GRAMD4: variants seen among roughly 807,000 people sequenced by gnomAD.
GRAMD4 encodes GRAM domain containing 4.
In GRAMD4, 25 loss-of-function variants were observed where a neutral mutation model predicts 83.9. That is an observed-to-expected ratio of 0.30 (90% confidence interval 0.22 to 0.42). GRAMD4 has a LOEUF of 0.42. GRAMD4 is among the 10% of genes least tolerant of loss of function. The pLI is 1.00. For synonymous variants in GRAMD4, 336 were observed against 320.9 expected (o/e 1.05, Z -0.50); for missense variants, 593 against 788.7 (o/e 0.75, Z 2.97).
At chr22:46,661,573 G>C (rs184200308) in intron 5 of GRAMD4, 131 bp downstream of exon 5, 2 of 688,230 alleles carry the variant, frequency 2.9e-6, no homozygotes, top group African/African-American at 3.5e-5. Flanking sequence ...GGCGGCAGGT[G>C]CTGGTTCTGT....
rs2082555209 is a variant in GRAMD4, at chr22:46,674,006, G to T, written c.1384+192G>T. Among the ~76,000 whole-genome samples, 3 of 152,370 alleles carry T rather than the reference G, an allele frequency of 2.0e-5. No homozygotes were observed. The South Asian group carries it at 6.2e-4, about 32-fold the overall frequency. On this transcript the variant is annotated intron_variant, in intron 15 of 18. Coordinates refer to ENST00000406902, the MANE Select transcript of GRAMD4 (RefSeq NM_015124.5). The stretch of plus-strand genomic sequence containing the variant: ...CATGAGGACTCTGCGGGCTACAGGG[G>T]AGGAGGGCGTGCCCGTGGGGAGAGC...
At chr22:46,607,659 C>T (rs1163802899) in intron 1 of GRAMD4, among the ~76,000 whole-genome samples, 1 of 152,240 alleles carries the variant, frequency 6.6e-6, no homozygotes, top group Admixed American at 6.5e-5. Flanking sequence ...GCCCTCTCTC[C>T]TCTGCCTGGC....
chr22:46,670,306 C>G (rs2082482736), intron 13 of GRAMD4, among the ~76,000 whole-genome samples: 1 of 152,280 alleles, frequency 6.6e-6, no homozygotes, highest in Admixed American at 6.5e-5. Context: ...CACGGCTGAG[C>G]TGTCCAACAG....
chr22:46,655,620 G>T (rs568163060), intron 3 of GRAMD4, among the ~76,000 whole-genome samples: 26 of 152,172 alleles, frequency 1.7e-4, no homozygotes, highest in Non-Finnish European at 3.2e-4. Flanking sequence ...GGGCTGGGGG[G>T]TAGCTCCCTC....
At chr22:46,661,065 C>T (rs866726046) in intron 4 of GRAMD4, among the ~76,000 whole-genome samples, 4 of 152,118 alleles carry the variant, frequency 2.6e-5, no homozygotes, top group Admixed American at 6.5e-5. Flanking sequence ...CATTAGCAGA[C>T]GGGTTGGTGA....
intron 3 of GRAMD4, among the ~76,000 whole-genome samples, chr22:46,652,279 A>G (rs1022205700): frequency 2.0e-5 from 3 of 152,128 alleles, no homozygotes; most frequent in African/African-American, 7.2e-5. Flanking sequence ...TAGAGGTCAC[A>G]GTGACGTCAT....
At chr22:46,649,947 A>T (rs143647089) in intron 3 of GRAMD4, among the ~76,000 whole-genome samples, 34 of 152,200 alleles carry the variant, frequency 2.2e-4, no homozygotes, top group African/African-American at 8.0e-4. Context: ...CGATGGAGGG[A>T]GTGCCTGTCT....
At chr22:46,657,477 G>T (rs980682448) in intron 3 of GRAMD4, among the ~76,000 whole-genome samples, 10 of 152,228 alleles carry the variant, frequency 6.6e-5, no homozygotes, top group Non-Finnish European at 1.3e-4. Flanking sequence ...GACTGCCAGA[G>T]GCTGCCTGCA....
chr22:46,613,825 C>G (rs1248017089), intron 1 of GRAMD4, among the ~76,000 whole-genome samples: 1 of 146,522 alleles, frequency 6.8e-6, no homozygotes, highest in African/African-American at 2.5e-5. Flanking sequence ...CCCAGGCTGT[C>G]TTTGACCCCT....
intron 1 of GRAMD4, among the ~76,000 whole-genome samples, chr22:46,624,495 A>C (rs2081625710): frequency 6.6e-6 from 1 of 151,236 alleles, no homozygotes; most frequent in South Asian, 2.1e-4. Flanking sequence ...CACCCAGCTA[A>C]TTTTTGTATT....
intron 5 of GRAMD4, among the ~76,000 whole-genome samples, 175 bp downstream of exon 5, chr22:46,661,617 C>T (rs2082329289): frequency 6.6e-6 from 1 of 152,264 alleles, no homozygotes; most frequent in African/African-American, 2.4e-5. Context: ...GGAATCTCCT[C>T]CCGTCAGAAC....
chr22:46,591,706 G>A lies in GRAMD4; in HGVS notation c.-50+14416G>A, dbSNP rs180963368. ...AAATTAGCCGGGTGTGGTGGTGGGT[G>A]CCTGTAATCCCAGCTACTCTGGAGG... On this transcript the variant is annotated intron_variant, in intron 1 of 1. Coordinates refer to the GRAMD4 transcript ENST00000431155. Among the ~76,000 whole-genome samples the A allele has an allele frequency of 8.5e-3, 1,284 of 151,924 alleles. 18 individuals carry two copies. The highest frequency in any genetic ancestry group is 0.03 in the African/African-American group (1,227 of 41,408).
intron 3 of GRAMD4, among the ~76,000 whole-genome samples, chr22:46,649,134 C>G (rs1437471327): frequency 6.6e-6 from 1 of 152,230 alleles, no homozygotes; most frequent in East Asian, 1.9e-4. Flanking sequence ...GCAGTTTTAT[C>G]TGTGCCACCT....
upstream of GRAMD4, among the ~76,000 whole-genome samples, chr22:46,616,402 T>A (rs2081494886): frequency 9.5e-6 from 1 of 105,110 alleles, no homozygotes; most frequent in Non-Finnish European, 1.9e-5. Context: ...GCGTGTAGGT[T>A]CCCCTGTGCG....
Position 46,664,994 on chromosome 22 carries a change from C to G in GRAMD4, c.718-621C>G, listed in dbSNP as rs1207143203. ...AGATGAAGGCTGGGTGCTGGGACCA[C>G]CGGCTTCACCCTGGCCCTGGAAGGC... On this transcript the variant is annotated intron_variant, in intron 8 of 18. Transcript: ENST00000406902. 4.6e-5 allele frequency among the ~76,000 whole-genome samples: 7 copies of G among 152,346 alleles called. 1 individual carries two copies. In the East Asian group the frequency reaches 1.4e-3, roughly 29 times the overall value.
At position 46,678,523 on chromosome 22, in the gene GRAMD4, C is replaced by CT. The variant is rs1227847938; in HGVS notation, c.*1274dup. ...CTGGGCTGAAGGGAGGGAAAGGCGGCTTGGGCCTCCTGGAAGGAGGTGGCC... is the reference window on the plus strand; with the variant it reads ...CTGGGCTGAAGGGAGGGAAAGGCGGCTTTGGGCCTCCTGGAAGGAGGTGGCC... On this transcript the variant is annotated 3_prime_UTR_variant, in exon 19 of 19. Transcript: ENST00000406902. 3.0e-6 allele frequency: 3 copies of CT among 985,326 alleles called. No homozygotes were observed. Among genetic ancestry groups the CT allele is most frequent in the Admixed American group, 6.1e-5 (1 of 16,270 alleles). The allele number at this position is 985,326 out of a possible 1,614,324, so 61.0% of individuals were successfully genotyped here. A position where few individuals can be genotyped will look rare whatever the true frequency, so the allele number is the denominator to read the frequency against.
rs530544727 is a variant in GRAMD4, at chr22:46,673,084, C to T, written c.1239+87C>T. 205 of 1,099,586 alleles carry T rather than the reference C, an allele frequency of 1.9e-4. 2 individuals are homozygous for T. Among genetic ancestry groups the T allele is most frequent in the Middle Eastern group, 2.8e-4 (1 of 3,578 alleles). 68.1% of individuals were successfully genotyped at this position (1,099,586 alleles called of 1,614,324 possible). ...AGGCCCACAGTGCTCTGTTCACCTC[C>T]GGCTCATTTAGAGGCTGTTTCTTCA... On this transcript the variant is annotated intron_variant, in intron 14 of 18. Coordinates refer to ENST00000406902, the MANE Select transcript of GRAMD4 (RefSeq NM_015124.5).
At chr22:46,607,752 C>T (rs1326295593) in intron 1 of GRAMD4, among the ~76,000 whole-genome samples, 3 of 152,196 alleles carry the variant, frequency 2.0e-5, no homozygotes, top group South Asian at 2.1e-4. Context: ...GGAATGGGAC[C>T]GAGTGCCCTA....
chr22:46,592,053 C>A (rs1427760807), intron 1 of GRAMD4, among the ~76,000 whole-genome samples: 1 of 152,030 alleles, frequency 6.6e-6, no homozygotes, highest in South Asian at 2.1e-4. Flanking sequence ...AAGGGCATCA[C>A]GGCACATTCC....
Sources: allele counts gnomAD v4.1 joint callset (sites outside exome capture counted in the v4.1 genomes callset), GRCh38; gene constraint gnomAD v4.1.1; transcripts MANE v1.5; gene names NCBI Gene and HGNC (gene_info 2026-07-23, HGNC 2026-07-21).